The following MATCAP2 variants were observed in gnomAD, a reference collection of about 807,000 sequenced individuals.
MATCAP2 encodes the protein putative tyrosine carboxypeptidase MATCAP2.
chr7:36,365,188 T>A, the MATCAP2 span, among the ~76,000 whole-genome samples: 4 of 152,224 alleles, frequency 2.6e-5, no homozygotes, highest in East Asian at 1.9e-4. Context: ...CTACAATGAT[T>A]GTTATGGTTT....
the MATCAP2 span, chr7:36,330,934 A>G: frequency 9.4e-7 from 1 of 1,067,884 alleles, no homozygotes; most frequent in East Asian, 2.4e-5. Context: ...AGTGAGGGGA[A>G]TGCTGATCTG....
chr7:36,326,942 A>C, the MATCAP2 span: 1 of 1,597,238 alleles, frequency 6.3e-7, no homozygotes, highest in Non-Finnish European at 8.5e-7. Flanking sequence ...AGATGAGTTA[A>C]ATTAAAAATG....
the MATCAP2 span, among the ~76,000 whole-genome samples, chr7:36,327,085 A>G: frequency 6.6e-6 from 1 of 152,202 alleles, no homozygotes; most frequent in African/African-American, 2.4e-5. Context: ...TCACTGTGTT[A>G]AATAATAATG....
At chr7:36,390,197 G>A in the MATCAP2 span, 2 of 1,280,192 alleles carry the variant, frequency 1.6e-6, no homozygotes, top group East Asian at 2.5e-5. Flanking sequence ...CCGCGGCTGC[G>A]GCCTGCTGTG....
chr7:36,355,439 A>T, the MATCAP2 span: 1 of 152,210 alleles, frequency 6.6e-6, no homozygotes, highest in Admixed American at 6.5e-5. Flanking sequence ...TTTGAATCAC[A>T]ATTTTTAGCA....
chr7:36,357,343 G>A, the MATCAP2 span: 2 of 1,614,144 alleles, frequency 1.2e-6, no homozygotes, highest in Non-Finnish European at 1.7e-6. Flanking sequence ...TACGAGAAGT[G>A]TTAGGAGATT....
the MATCAP2 span, among the ~76,000 whole-genome samples, chr7:36,353,603 C>T: frequency 2.0e-5 from 3 of 151,402 alleles, no homozygotes; most frequent in African/African-American, 7.3e-5. Context: ...GCCTTAGCCT[C>T]CCAAGTAGCT....
At chr7:36,326,759 A>G in the MATCAP2 span, 2 of 1,609,094 alleles carry the variant, frequency 1.2e-6, no homozygotes, top group African/African-American at 1.3e-5. Context: ...AACGCTAATT[A>G]CTATATAAGA....
At chr7:36,390,150 G>A in the MATCAP2 span, 5 of 1,582,590 alleles carry the variant, frequency 3.2e-6, no homozygotes, top group South Asian at 5.6e-5. Flanking sequence ...GAGGGCGCGT[G>A]TGTGCGCGCG....
the MATCAP2 span, among the ~76,000 whole-genome samples, chr7:36,337,226 G>A: frequency 2.6e-5 from 4 of 151,266 alleles, no homozygotes; most frequent in African/African-American, 9.7e-5. Context: ...TTTCAGTCAA[G>A]GCAGGATATT....
chr7:36,329,642 A>C, the MATCAP2 span, among the ~76,000 whole-genome samples: 2 of 152,234 alleles, frequency 1.3e-5, no homozygotes, highest in Non-Finnish European at 2.9e-5. Context: ...ATAATACTAC[A>C]AAAACGGGGA....
the MATCAP2 span, among the ~76,000 whole-genome samples, chr7:36,373,551 G>A: frequency 4.1e-4 from 62 of 152,220 alleles, no homozygotes; most frequent in Admixed American, 3.1e-3. Flanking sequence ...GGGGGAAAGC[G>A]GGTAGGAAAA....
At chr7:36,371,597 C>A in the MATCAP2 span, among the ~76,000 whole-genome samples, 8 of 151,894 alleles carry the variant, frequency 5.3e-5, no homozygotes, top group South Asian at 6.2e-4. Context: ...AGATCAACAT[C>A]CTGCTTGTTA....
At chr7:36,390,181 G>T in the MATCAP2 span, 11 of 1,462,960 alleles carry the variant, frequency 7.5e-6, no homozygotes, top group Non-Finnish European at 1.0e-5. Flanking sequence ...GTGCGGGCCG[G>T]GGTCGCCGCG....
At chr7:36,330,240 A>G in the MATCAP2 span, among the ~76,000 whole-genome samples, 32 of 151,854 alleles carry the variant, frequency 2.1e-4, no homozygotes, top group Admixed American at 1.9e-3. Context: ...GTGTGCCACC[A>G]TGCCCGGCTA....
At chr7:36,386,157 G>GA in the MATCAP2 span, among the ~76,000 whole-genome samples, 61 of 142,810 alleles carry the variant, frequency 4.3e-4, no homozygotes, top group South Asian at 1.3e-3. Flanking sequence ...CCTGTCTCGG[G>GA]AAAAAAAAAA....
chr7:36,379,875 G>GAA, the MATCAP2 span, among the ~76,000 whole-genome samples: 1 of 148,102 alleles, frequency 6.8e-6, no homozygotes. Flanking sequence ...GAGAGAGAGA[G>GAA]AATATAAAGC....
At chr7:36,379,438 GTAAC>G in the MATCAP2 span, among the ~76,000 whole-genome samples, 5 of 152,070 alleles carry the variant, frequency 3.3e-5, no homozygotes, top group Non-Finnish European at 7.4e-5. Flanking sequence ...ATATGACTAT[GTAAC>G]TATAACCATG....
At chr7:36,357,054 A>C in the MATCAP2 span, 5 of 1,614,068 alleles carry the variant, frequency 3.1e-6, no homozygotes, top group African/African-American at 6.7e-5. Flanking sequence ...ATAGCAGTCA[A>C]TATACAAAAT....
Sources: allele counts gnomAD v4.1 joint callset (sites outside exome capture counted in the v4.1 genomes callset), GRCh38; gene constraint gnomAD v4.1.1; transcripts MANE v1.5; gene names NCBI Gene and HGNC (gene_info 2026-07-23, HGNC 2026-07-21).